ANO4: variants seen among roughly 807,000 people sequenced by gnomAD.
ANO4 encodes the protein anoctamin-4.
In ANO4, 69 loss-of-function variants were observed where a neutral mutation model predicts 141.9. That is an observed-to-expected ratio of 0.49 (90% CI 0.40 to 0.59). The LOEUF (loss-of-function observed/expected upper bound fraction) is 0.59, where lower values mean the gene tolerates loss of function less well. ANO4 is among the 20% of genes least tolerant of loss of function. The pLI is 0.00. For missense variants in ANO4, 894 were observed against 1,162.2 expected, an observed-to-expected ratio of 0.77 and a Z score of 3.36; for synonymous variants, 350 against 394.3, an observed-to-expected ratio of 0.89 and a Z score of 1.33.
chr12:100,841,370 C>G (rs2037236756), intron 1 of ANO4, among the ~76,000 whole-genome samples: 1 of 152,104 alleles, frequency 6.6e-6, no homozygotes, highest in Non-Finnish European at 1.5e-5. Flanking sequence ...TCATTGAGTA[C>G]CTGGTACGGT....
At chr12:101,121,885 C>T (rs2051111856) in intron 26 of ANO4, among the ~76,000 whole-genome samples, 1 of 151,370 alleles carries the variant, frequency 6.6e-6, no homozygotes. Context: ...CCTCAGCCTC[C>T]TGAGTAGGTG....
At chr12:100,887,102 A>G (rs2039872086) in intron 1 of ANO4, among the ~76,000 whole-genome samples, 1 of 152,220 alleles carries the variant, frequency 6.6e-6, no homozygotes, top group Non-Finnish European at 1.5e-5. Context: ...TATATAAAGC[A>G]GTGTTCCCTT....
chr12:101,057,286 G>C (rs2048162350), intron 14 of ANO4, among the ~76,000 whole-genome samples: 1 of 152,100 alleles, frequency 6.6e-6, no homozygotes. Context: ...CGAAGTCTTT[G>C]CTATTGTGAA....
intron 1 of ANO4, among the ~76,000 whole-genome samples, chr12:100,879,339 G>C (rs1413092656): frequency 1.3e-5 from 2 of 152,106 alleles, no homozygotes; most frequent in South Asian, 2.1e-4. Context: ...GCAGTGTGGA[G>C]GTTAGATTCA....
At chr12:100,774,969 A>G (rs2033442208) in intron 3 of ANO4, among the ~76,000 whole-genome samples, 1 of 152,236 alleles carries the variant, frequency 6.6e-6, no homozygotes, top group South Asian at 2.1e-4. Flanking sequence ...ACTGTATTTC[A>G]GTCTAAAGAT....
At chr12:101,118,636 A>C (rs1406848438) in intron 25 of ANO4, among the ~76,000 whole-genome samples, 1 of 152,208 alleles carries the variant, frequency 6.6e-6, no homozygotes, top group Non-Finnish European at 1.5e-5. Context: ...AGGCAGAAAG[A>C]AGTGGTACAC....
intron 5 of ANO4, among the ~76,000 whole-genome samples, chr12:100,945,666 G>T (rs2042690436): frequency 6.6e-6 from 1 of 152,086 alleles, no homozygotes; most frequent in African/African-American, 2.4e-5. Context: ...ACTAGTAAGA[G>T]GATGAGTTAA....
At chr12:100,870,996 C>CA (rs1254365206) in intron 1 of ANO4, among the ~76,000 whole-genome samples, 3 of 152,206 alleles carry the variant, frequency 2.0e-5, no homozygotes, top group Admixed American at 2.0e-4. Flanking sequence ...TAGGAGATGA[C>CA]AAAAAACCTC....
chr12:101,109,990 G>C (rs538133087), intron 22 of ANO4, among the ~76,000 whole-genome samples: 1 of 152,200 alleles, frequency 6.6e-6, no homozygotes, highest in South Asian at 2.1e-4. Context: ...TTGGCCGTTA[G>C]GGGTGCCTTC....
Position 100,873,654 on chromosome 12 carries a change from G to T in ANO4, c.-140-27992G>T, listed in dbSNP as rs543487662. ...ATATTTGTGAGCCAAGAAATGACCT[G>T]GTACTGGAACTTATATTTAAAAGGG... On this transcript the variant is annotated intron_variant, in intron 1 of 27. Transcript: ENST00000392977. Among the ~76,000 whole-genome samples, 34 of 152,254 alleles carry T rather than the reference G, an allele frequency of 2.2e-4. 1 individual carries two copies. In the South Asian group the frequency reaches 4.6e-3, roughly 20 times the overall value.
intron 3 of ANO4, among the ~76,000 whole-genome samples, chr12:100,777,327 C>T (rs1181947581): frequency 2.2e-5 from 3 of 137,672 alleles, no homozygotes; most frequent in Non-Finnish European, 4.5e-5. Context: ...CCATGTGGGC[C>T]GGGCTGGTCT....
chr12:101,060,929 T>C lies in ANO4; in HGVS notation c.1312+12528T>C, dbSNP rs1303883188. Among the ~76,000 whole-genome samples the C allele has an allele frequency of 2.0e-5, 3 of 152,344 alleles. No individual in the cohort carries two copies. In the South Asian group the frequency reaches 6.2e-4, roughly 32 times the overall value. On this transcript the variant is annotated intron_variant, in intron 14 of 27. Coordinates refer to ENST00000392977, the MANE Select transcript of ANO4 (RefSeq NM_001286615.2). The stretch of plus-strand genomic sequence containing the variant: ...GAATTTGATCCTATCGTTAGGATGC[T>C]AGCTGGTTGTTTTGCCTGTTAGTTG...
chr12:100,773,085 G>C (rs573303067), intron 3 of ANO4, among the ~76,000 whole-genome samples: 1 of 152,328 alleles, frequency 6.6e-6, no homozygotes, highest in Admixed American at 6.5e-5. Context: ...CACAGTTTTA[G>C]AGGCTGAGAA....
intron 8 of ANO4, among the ~76,000 whole-genome samples, chr12:101,019,108 G>C (rs545946817): frequency 2.2e-4 from 33 of 152,278 alleles, no homozygotes; most frequent in Non-Finnish European, 3.7e-4. Flanking sequence ...TCTGAGCTGA[G>C]TGTTGGGGAA....
intron 15 of ANO4, among the ~76,000 whole-genome samples, chr12:101,081,883 AAGACACC>A (rs2049293161): frequency 1.3e-5 from 2 of 152,052 alleles, no homozygotes; most frequent in Non-Finnish European, 1.5e-5. Context: ...TCTTCTTATA[AAGACACC>A]AGTCATATTG....
rs116264187 is a variant in ANO4, at chr12:100,826,448, C to T, written c.-141+31421C>T. On this transcript the variant is annotated intron_variant, in intron 1 of 27. Transcript: ENST00000392977. The stretch of plus-strand genomic sequence containing the variant: ...ATATTGATGCATTGAGTTTCACTAA[C>T]CGTATTCATGGATGTATTATTTCTA... 6.9e-4 allele frequency among the ~76,000 whole-genome samples: 105 copies of T among 152,066 alleles called. 1 individual carries two copies. The highest frequency in any genetic ancestry group is 2.4e-3 in the African/African-American group (100 of 41,532).
chr12:100,965,389 T>C (rs1409545594), intron 5 of ANO4, among the ~76,000 whole-genome samples: 3 of 152,144 alleles, frequency 2.0e-5, no homozygotes, highest in Non-Finnish European at 4.4e-5. Context: ...GCTACTAGAA[T>C]AACTTTCTTA....
At chr12:100,733,762 T>C (rs1272926441) in intron 1 of ANO4, 1 of 698,702 alleles carries the variant, frequency 1.4e-6, no homozygotes, top group Non-Finnish European at 2.6e-6. Flanking sequence ...TTGTCTTTTA[T>C]TTTCTTAACA....
rs761148008 is a variant in ANO4 at position 100,797,791 on chromosome 12, CTCT to C, written c.-141+2770_-141+2772del. Among the ~76,000 whole-genome samples, 3 of 152,094 alleles carry C rather than the reference CTCT, an allele frequency of 2.0e-5. No homozygotes were observed. The East Asian group carries it at 5.8e-4, about 29-fold the overall frequency. ...AAAGTCCTCTTGCCTTCTGCTTTCT[CTCT>C]TCTTCACTTTTGCCATTTTATATAT... On this transcript the variant is annotated intron_variant, in intron 1 of 27. Coordinates refer to ENST00000392977, the MANE Select transcript of ANO4 (RefSeq NM_001286615.2).
Sources: gnomAD v4.1 joint callset for allele counts (sites outside exome capture counted in the v4.1 genomes callset) on GRCh38, gnomAD v4.1.1 for gene constraint, MANE v1.5 for transcripts, NCBI Gene and HGNC (gene_info 2026-07-23, HGNC 2026-07-21) for gene names.